Variants in CYB561D1 observed in about 807,000 individuals in gnomAD.
CYB561D1 encodes cytochrome b561 family member D1.
A neutral mutation model predicts 19.2 loss-of-function variants in CYB561D1; 15 were observed. The ratio of observed to expected loss-of-function variants is 0.78; its 90% CI spans 0.52 to 1.20. The LOEUF is 1.20. Ranked by LOEUF, CYB561D1 falls within the 50% of genes most tolerant of loss-of-function variation. The pLI is 0.00. For synonymous variants in CYB561D1, 133 were observed against 120.6 expected, an observed-to-expected ratio of 1.10 and a Z score of -0.68; for missense variants, 297 against 287.3, an observed-to-expected ratio of 1.03 and a Z score of -0.24.
At position 109,495,961 on chromosome 1, in the gene CYB561D1, G is replaced by T. The variant is rs116597409; in HGVS notation, c.392G>T (p.Gly131Val). ...PHLVSWHSWVGALTLLATAVQ... is the reference protein window; with the variant it reads ...PHLVSWHSWVVALTLLATAVQ... The stretch of plus-strand genomic sequence containing the variant: ...CTGGTGTCCTGGCACAGCTGGGTGG[G>T]AGCCCTGACACTGCTGGCCACTGCT... The change falls in exon 3 of 3, where the codon GGA (glycine) becomes GTA (valine). Residue 131 changes from glycine (G) to valine (V), a missense_variant. Transcript: ENST00000420578. The T allele has an allele frequency of 1.2e-5, 19 of 1,613,246 alleles. No homozygotes were observed. In the East Asian group the frequency reaches 3.6e-4, roughly 30 times the overall value.
In CYB561D1 at chr1:109,496,063, A is replaced by G. The variant is rs201824036; in HGVS notation, c.494A>G (p.Tyr165Cys). ...RVSRVARLKL[Y>C]HLTCGLVVYL... is the part of the protein sequence containing the mutation. Reference sequence around the variant, plus strand: ...TCAAGGGTGGCTCGCCTCAAGCTCTACCATCTGACATGTGGACTGGTGGTC... The same window carrying G: ...TCAAGGGTGGCTCGCCTCAAGCTCTGCCATCTGACATGTGGACTGGTGGTC... The change falls in exon 3 of 3, where the codon TAC (tyrosine) becomes TGC (cysteine). Residue 165 changes from tyrosine to cysteine, a missense_variant. By Grantham distance (194) the Tyr-to-Cys change is radical (BLOSUM62 -2). Transcript: ENST00000420578. 10 of 1,613,748 alleles carry G rather than the reference A, an allele frequency of 6.2e-6. No homozygotes were observed. In the East Asian group the frequency reaches 2.2e-4, roughly 36 times the overall value.
At position 109,499,099 on chromosome 1, in the gene CYB561D1, C is replaced by T. The variant is rs1362507955; in HGVS notation, c.*2840C>T. ...TGGGTTCAGATACCCCTCCCAAGCC[C>T]CCGTCTTTTCTGTAACCACCCCTCC... On this transcript the variant is annotated 3_prime_UTR_variant, in exon 3 of 3. Coordinates refer to ENST00000420578, the MANE Select transcript of CYB561D1 (RefSeq NM_182580.3). 2.0e-5 allele frequency: 3 copies of T among 152,066 alleles called. No homozygotes were observed. The highest frequency in any genetic ancestry group is 4.4e-5 in the Non-Finnish European group (3 of 68,006). 9.4% of individuals were successfully genotyped at this position (152,066 alleles called of 1,614,324 possible).
intron 2 of CYB561D1, 89 bp downstream of exon 2, chr1:109,495,269 C>G: frequency 1.4e-6 from 2 of 1,452,422 alleles, no homozygotes; most frequent in Non-Finnish European, 1.9e-6. Flanking sequence ...CTCAGCCTTT[C>G]TAAGGCTAAG....
At chr1:109,494,378 C>A (rs990086227) in intron 1 of CYB561D1, 91 bp downstream of exon 1, 225 of 1,522,382 alleles carry the variant, frequency 1.5e-4, no homozygotes, top group Non-Finnish European at 1.9e-4. Context: ...GGAGGAGGGA[C>A]CCCAGCAGTA....
In CYB561D1 at chr1:109,496,706, A is replaced by G. The variant is rs1175332176; in HGVS notation, c.*447A>G. 1 of 155,258 alleles carries G rather than the reference A, an allele frequency of 6.4e-6. No homozygotes were observed. Among genetic ancestry groups the G allele is most frequent in the East Asian group, 1.9e-4 (1 of 5,250 alleles). The allele number at this position is 155,258 out of a possible 1,614,324, so 9.6% of individuals were successfully genotyped here. A position where few individuals can be genotyped will look rare whatever the true frequency, so the allele number is the denominator to read the frequency against. On this transcript the variant is annotated 3_prime_UTR_variant, in exon 3 of 3. Coordinates refer to ENST00000420578, the MANE Select transcript of CYB561D1 (RefSeq NM_182580.3). ...TAGGCTCTGTTGTACAACCTTAGGT[A>G]CATTCCATATCTTAAGACCACTGTT...
rs35972691 is a variant in CYB561D1, at chr1:109,498,415, CAG to C, written c.*2161_*2162del. 0.4 allele frequency: 60,250 copies of C among 152,290 alleles called. 14,199 individuals are homozygous for C. Among genetic ancestry groups the C allele is most frequent in the East Asian group, 0.61 (3,128 of 5,136 alleles). The allele number at this position is 152,290 out of a possible 1,614,324, so 9.4% of individuals were successfully genotyped here. ...AGGCCTGGAGGGCAGGGGCACAGAG[CAG>C]AGAGGAGGGCACTGGTGGTCTCCTG... is the stretch of plus-strand genomic sequence containing the variant. On this transcript the variant is annotated 3_prime_UTR_variant, in exon 3 of 3. Coordinates refer to ENST00000420578, the MANE Select transcript of CYB561D1 (RefSeq NM_182580.3).
In CYB561D1 at chr1:109,496,484, G is replaced by T. The variant is rs1410458268; in HGVS notation, c.*225G>T. ...AGGTGATGGAGAGCCTGATCCTGAA[G>T]CCTCTACTTGATGAGAGACAGAGTT... On this transcript the variant is annotated 3_prime_UTR_variant, in exon 3 of 3. Transcript: ENST00000420578. 3 of 405,670 alleles carry T rather than the reference G, an allele frequency of 7.4e-6. No homozygotes were observed. The highest frequency in any genetic ancestry group is 1.3e-5 in the Non-Finnish European group (3 of 232,684). The allele number at this position is 405,670 out of a possible 1,614,324, so 25.1% of individuals were successfully genotyped here.
chr1:109,497,371 G>C lies in CYB561D1; in HGVS notation c.*1112G>C, dbSNP rs368128828. The C allele has an allele frequency of 4.6e-5, 7 of 152,340 alleles. No homozygotes were observed. The East Asian group carries it at 1.4e-3, about 29-fold the overall frequency. 9.4% of individuals were successfully genotyped at this position (152,340 alleles called of 1,614,324 possible). ...TTTCTCTGGTTACCCCTCTTCCCTT[G>C]TTATCTAAGCTTTCCTCAGTTGTCA... On this transcript the variant is annotated 3_prime_UTR_variant, in exon 3 of 3. Coordinates refer to ENST00000420578, the MANE Select transcript of CYB561D1 (RefSeq NM_182580.3).
At chr1:109,495,421 C>T (rs567073914) in intron 2 of CYB561D1, among the ~76,000 whole-genome samples, 19 of 152,196 alleles carry the variant, frequency 1.2e-4, no homozygotes, top group South Asian at 8.3e-4. Flanking sequence ...CCATTGGGGC[C>T]GGAAAGGAGA....
In CYB561D1 at chr1:109,497,017, C is replaced by T. The variant is rs1308952068; in HGVS notation, c.*758C>T. 3.9e-5 allele frequency: 6 copies of T among 152,796 alleles called. No homozygotes were observed. Among genetic ancestry groups the T allele is most frequent in the African/African-American group, 7.2e-5 (3 of 41,566 alleles). 9.5% of individuals were successfully genotyped at this position (152,796 alleles called of 1,614,324 possible). A position where few individuals can be genotyped will look rare whatever the true frequency, so the allele number is the denominator to read the frequency against. On this transcript the variant is annotated 3_prime_UTR_variant, in exon 3 of 3. Transcript: ENST00000420578. Reference sequence around the variant, plus strand: ...GGTGAGGGTCTTCTGGACTCTAAGACGGTAAAGGCACTAAAGTCACTTTAA... The same window carrying T: ...GGTGAGGGTCTTCTGGACTCTAAGATGGTAAAGGCACTAAAGTCACTTTAA...
intron 2 of CYB561D1, 148 bp from the exon 3 acceptor site, chr1:109,495,607 GA>G (rs1657481205): frequency 6.8e-7 from 1 of 1,476,002 alleles, no homozygotes; most frequent in Non-Finnish European, 9.1e-7. Context: ...AATGTTCCCA[GA>G]AATGTTGAGC....
In CYB561D1 at chr1:109,494,252, C is replaced by T. The variant is rs1419420714; in HGVS notation, c.113C>T (p.Thr38Ile). 6.3e-7 allele frequency: 1 copy of T among 1,586,832 alleles called. No individual in the cohort carries two copies. Among genetic ancestry groups the T allele is most frequent in the Non-Finnish European group, 8.6e-7 (1 of 1,166,408 alleles). ...GCGCACCTGGTAGCTTTGGGCTTCA[C>T]CATCTTTCTGACAGCGCTGTCCCGG... Reference protein sequence around the residue: ...ILAHLVALGFTIFLTALSRPG... With the variant: ...ILAHLVALGFIIFLTALSRPG... The change falls in exon 1 of 3, where the codon ACC (threonine) becomes ATC (isoleucine). Residue 38 changes from threonine (T) to isoleucine (I), a missense_variant. Physicochemically the swap from Thr to Ile is moderately conservative, Grantham distance 89 (BLOSUM62 -1). Transcript: ENST00000420578.
chr1:109,494,429 TG>T, intron 1 of CYB561D1, 142 bp downstream of exon 1: 1 of 1,544,858 alleles, frequency 6.5e-7, no homozygotes, highest in Non-Finnish European at 8.7e-7. Context: ...GAGGGCCTGG[TG>T]GGGCGGGGCC....
intron 1 of CYB561D1, 103 bp downstream of exon 1, chr1:109,494,390 A>T: frequency 6.5e-7 from 1 of 1,530,024 alleles, no homozygotes; most frequent in Non-Finnish European, 8.8e-7. Context: ...CCAGCAGTAA[A>T]GGGGAGACAG....
chr1:109,495,629 G>A (rs1376056579), intron 2 of CYB561D1, 127 bp from the exon 3 acceptor site: 13 of 1,540,222 alleles, frequency 8.4e-6, no homozygotes, highest in African/African-American at 1.4e-5. Flanking sequence ...TGTGAGGCTG[G>A]TGGTCCTGGT....
rs765207614 is a variant in CYB561D1 at position 109,495,766 on chromosome 1, G to A, written c.197G>A (p.Cys66Tyr). Residue 66 changes from cysteine (C) to tyrosine (Y), a missense_variant, in exon 3 of 3, where the codon TGC (cysteine) becomes TAC (tyrosine). Physicochemically the swap from Cys to Tyr is radical, Grantham distance 194. Coordinates refer to ENST00000420578, the MANE Select transcript of CYB561D1 (RefSeq NM_182580.3). ...PVFMALAFCL[C>Y]MAEAILLFSP... is the part of the protein sequence containing the mutation. Reference sequence around the variant, plus strand: ...CTCCTATGTTCACAGTTCTGCCTCTGCATGGCTGAAGCCATCCTACTCTTC... The same window carrying A: ...CTCCTATGTTCACAGTTCTGCCTCTACATGGCTGAAGCCATCCTACTCTTC... The A allele has an allele frequency of 1.3e-5, 21 of 1,614,054 alleles. No individual in the cohort carries two copies. Among genetic ancestry groups the A allele is most frequent in the Admixed American group, 6.7e-5 (4 of 60,006 alleles).
chr1:109,494,280 A>T lies in CYB561D1; in HGVS notation c.141A>T (p.Pro47=). 2 of 1,587,432 alleles carry T rather than the reference A, an allele frequency of 1.3e-6. No individual in the cohort carries two copies. The highest frequency in any genetic ancestry group is 2.3e-5 in the South Asian group (2 of 87,240). Reference sequence around the variant, plus strand: ...TCTTTCTGACAGCGCTGTCCCGGCCAGGAACCAGTGAGTGTGCGGGGCGGG... The same window carrying T: ...TCTTTCTGACAGCGCTGTCCCGGCCTGGAACCAGTGAGTGTGCGGGGCGGG... The part of the protein sequence containing the change: ...FTIFLTALSR[P]GTSLFSWHPV... Residue 47 remains proline (P), a synonymous_variant, in exon 1 of 3, where the codon CCA becomes CCT. Transcript: ENST00000420578.
At chr1:109,494,577 C>T (rs1358307632) in intron 1 of CYB561D1, 19 of 1,412,950 alleles carry the variant, frequency 1.3e-5, no homozygotes, top group Non-Finnish European at 1.6e-5. Context: ...TGGGTCATGC[C>T]TGAAATCCCA....
chr1:109,495,922 G>A lies in CYB561D1; in HGVS notation c.353G>A (p.Ser118Asn). The change falls in exon 3 of 3, where the codon AGT becomes AAT. Residue 118 changes from serine (S) to asparagine (N), a missense_variant. By Grantham distance (46) the Ser-to-Asn change is conservative (BLOSUM62 1). Transcript: ENST00000420578. ...LGFIISSRTRSELPHLVSWHS... is the reference protein window; with the variant it reads ...LGFIISSRTRNELPHLVSWHS... ...TTCATCATCTCCAGCAGGACCCGCA[G>A]TGAGCTGCCTCATCTGGTGTCCTGG... 6.2e-7 allele frequency: 1 copy of A among 1,614,082 alleles called. No individual in the cohort carries two copies. The highest frequency in any genetic ancestry group is 1.1e-5 in the South Asian group (1 of 91,086).
Sources: gnomAD v4.1 joint callset for allele counts (sites outside exome capture counted in the v4.1 genomes callset) on GRCh38, gnomAD v4.1.1 for gene constraint, MANE v1.5 for transcripts, NCBI Gene and HGNC (gene_info 2026-07-23, HGNC 2026-07-21) for gene names.